BRMS1L: variants seen among roughly 807,000 people sequenced by gnomAD.
BRMS1L encodes the protein BRMS1 like transcriptional repressor, also known as breast cancer metastasis-suppressor 1-like protein.
Under a neutral mutation model 50.3 loss-of-function variants are expected in BRMS1L, and 23 were observed. The observed-to-expected ratio is 0.46, with a 90% CI of 0.33 to 0.65. The LOEUF is 0.65. Among genes scored for constraint, BRMS1L ranks in the 30% least tolerant of loss-of-function variants. BRMS1L has a pLI of 0.02. For synonymous variants in BRMS1L, 114 were observed against 126.9 expected, an observed-to-expected ratio of 0.90 and a Z score of 0.69; for missense variants, 286 against 386.1, an observed-to-expected ratio of 0.74 and a Z score of 2.17.
rs547490679 is a variant in BRMS1L, at chr14:35,849,238, A to G, written c.442-13352A>G. On this transcript the variant is annotated intron_variant, in intron 4 of 9. Transcript: ENST00000216807. ...TAGTTTAAGTTCCCAACAGTGAACAAGGGCTCCTTTTTCTGCACATTCCTG... is the reference window on the plus strand; with the variant it reads ...TAGTTTAAGTTCCCAACAGTGAACAGGGGCTCCTTTTTCTGCACATTCCTG... Among the ~76,000 whole-genome samples, 4 of 152,310 alleles carry G rather than the reference A, an allele frequency of 2.6e-5. No individual in the cohort carries two copies. In the East Asian group the frequency reaches 7.7e-4, roughly 29 times the overall value.
intron 4 of BRMS1L, among the ~76,000 whole-genome samples, chr14:35,847,105 G>A (rs149450679): frequency 6.6e-6 from 1 of 152,106 alleles, no homozygotes; most frequent in Non-Finnish European, 1.5e-5. Context: ...ATCTCCAGTA[G>A]CTGGGACTGC....
At chr14:35,847,211 T>C (rs1203695072) in intron 4 of BRMS1L, among the ~76,000 whole-genome samples, 1 of 152,174 alleles carries the variant, frequency 6.6e-6, no homozygotes, top group Non-Finnish European at 1.5e-5. Flanking sequence ...ACTCCTGGGC[T>C]CAAGCGATCT....
chr14:35,829,398 C>T (rs550104586), intron 1 of BRMS1L, among the ~76,000 whole-genome samples: 21 of 152,100 alleles, frequency 1.4e-4, no homozygotes, highest in Admixed American at 3.3e-4. Flanking sequence ...TTAAAAATTC[C>T]ATCCCAAAAA....
chr14:35,826,827 G>C (rs1271254678), intron 1 of BRMS1L, 169 bp downstream of exon 1: 2 of 983,918 alleles, frequency 2.0e-6, no homozygotes, highest in Non-Finnish European at 2.9e-6. Context: ...GCTGGGCGCT[G>C]TCTGGCTCCT....
At chr14:35,833,849 T>G (rs978715403) in intron 3 of BRMS1L, among the ~76,000 whole-genome samples, 2 of 152,214 alleles carry the variant, frequency 1.3e-5, no homozygotes, top group African/African-American at 4.8e-5. Flanking sequence ...GATAATAAGT[T>G]CTTTTTACTA....
intron 8 of BRMS1L, 176 bp from the exon 9 acceptor site, chr14:35,867,730 T>G (rs183633620): frequency 4.5e-6 from 2 of 443,094 alleles, no homozygotes; most frequent in Admixed American, 9.0e-5. Flanking sequence ...ACTTAGTGAT[T>G]ATGTAAAAGA....
intron 8 of BRMS1L, among the ~76,000 whole-genome samples, chr14:35,866,561 C>T (rs2078424174): frequency 1.3e-5 from 2 of 152,062 alleles, no homozygotes; most frequent in African/African-American, 2.4e-5. Context: ...AAAAATTAGC[C>T]AGGCTTGGCG....
Position 35,833,009 on chromosome 14 carries a change from G to A in BRMS1L, c.265G>A (p.Ala89Thr). ...LYKERLSQVD[A>T]KLQEVIAGKA... ...TAAAGAACGATTAAGTCAGGTGGAT[G>A]CAAAACTACAAGAAGTCATAGCTGG... The change falls in exon 3 of 10, where the codon GCA becomes ACA. Residue 89 changes from alanine (A) to threonine (T), a missense_variant. Physicochemically the swap from Ala to Thr is moderately conservative, Grantham distance 58. Coordinates refer to ENST00000216807, the MANE Select transcript of BRMS1L (RefSeq NM_032352.4). The A allele has an allele frequency of 6.2e-7, 1 of 1,613,206 alleles. No homozygotes were observed. The highest frequency in any genetic ancestry group is 2.2e-5 in the East Asian group (1 of 44,798).
chr14:35,868,780 T>TAACAACAACAACAACA (rs901226720), intron 9 of BRMS1L, among the ~76,000 whole-genome samples: 2 of 152,020 alleles, frequency 1.3e-5, no homozygotes, highest in African/African-American at 4.8e-5. Flanking sequence ...CTTGTCTCTC[T>TAACAACAACAACAACA]AACAACAACA....
intron 4 of BRMS1L, among the ~76,000 whole-genome samples, chr14:35,835,614 G>A (rs1028631431): frequency 1.3e-5 from 2 of 152,144 alleles, no homozygotes; most frequent in Non-Finnish European, 2.9e-5. Flanking sequence ...AGGCTGAGGC[G>A]AGAGGATTTC....
At chr14:35,839,218 C>G (rs900915581) in intron 4 of BRMS1L, among the ~76,000 whole-genome samples, 1 of 152,104 alleles carries the variant, frequency 6.6e-6, no homozygotes, top group African/African-American at 2.4e-5. Flanking sequence ...CTATTCTGTT[C>G]CATTGGCCTA....
intron 3 of BRMS1L, among the ~76,000 whole-genome samples, chr14:35,834,159 C>G (rs780875559): frequency 6.6e-6 from 1 of 152,140 alleles, no homozygotes; most frequent in African/African-American, 2.4e-5. Context: ...GAGATAATTA[C>G]ATTTCTAGGG....
At position 35,852,792 on chromosome 14, in the gene BRMS1L, G is replaced by A. The variant is rs776427345; in HGVS notation, c.442-9798G>A. 8.1e-4 allele frequency among the ~76,000 whole-genome samples: 123 copies of A among 152,148 alleles called. 1 individual carries two copies. Among genetic ancestry groups the A allele is most frequent in the Middle Eastern group, 3.4e-3 (1 of 292 alleles). ...TAAAAATACAAAAAATCAGCCGGGC[G>A]CGGTGGCGGGCACCTGTAATCCCAG... On this transcript the variant is annotated intron_variant, in intron 4 of 9. Transcript: ENST00000216807.
chr14:35,834,173 A>G lies in BRMS1L; in HGVS notation c.362-671A>G, dbSNP rs552827321. The stretch of plus-strand genomic sequence containing the variant: ...AGAGATAATTACATTTCTAGGGCCA[A>G]CTATGGCATAAAGCTTAGAATACAT... On this transcript the variant is annotated intron_variant, in intron 3 of 9. Coordinates refer to ENST00000216807, the MANE Select transcript of BRMS1L (RefSeq NM_032352.4). 5.3e-5 allele frequency among the ~76,000 whole-genome samples: 8 copies of G among 152,312 alleles called. No individual in the cohort carries two copies. The South Asian group carries it at 1.4e-3, about 28-fold the overall frequency.
At chr14:35,851,645 AG>A (rs1408285469) in intron 4 of BRMS1L, among the ~76,000 whole-genome samples, 1 of 152,236 alleles carries the variant, frequency 6.6e-6, no homozygotes, top group African/African-American at 2.4e-5. Context: ...TAATAAATTG[AG>A]AGAAATAAGT....
intron 4 of BRMS1L, among the ~76,000 whole-genome samples, chr14:35,856,267 T>C (rs1176391431): frequency 6.6e-6 from 1 of 152,124 alleles, no homozygotes; most frequent in Non-Finnish European, 1.5e-5. Flanking sequence ...GGAAATCACA[T>C]GTATAGAATA....
chr14:35,834,961 C>G (rs770043914), intron 4 of BRMS1L, 38 bp downstream of exon 4: 1 of 1,498,334 alleles, frequency 6.7e-7, no homozygotes, highest in Non-Finnish European at 9.1e-7. Flanking sequence ...CTAATTTCAT[C>G]TCTTCAAGCC....
chr14:35,841,566 G>A (rs762629466), intron 4 of BRMS1L, among the ~76,000 whole-genome samples: 1 of 152,104 alleles, frequency 6.6e-6, no homozygotes, highest in South Asian at 2.1e-4. Context: ...CAAACTGCTG[G>A]GATTACAGGC....
At chr14:35,860,407 G>A (rs551901069) in intron 4 of BRMS1L, among the ~76,000 whole-genome samples, 101 of 152,204 alleles carry the variant, frequency 6.6e-4, no homozygotes, top group Middle Eastern at 6.8e-3. Flanking sequence ...CAAAGTGCTA[G>A]GATTACAGGC....
Sources: allele counts gnomAD v4.1 joint callset (sites outside exome capture counted in the v4.1 genomes callset), GRCh38; gene constraint gnomAD v4.1.1; transcripts MANE v1.5; gene names NCBI Gene and HGNC (gene_info 2026-07-23, HGNC 2026-07-21).